CLTRN: variants seen among roughly 807,000 people sequenced by gnomAD.
CLTRN encodes the protein collectrin.
CLTRN carries 12 observed loss-of-function variants against 14.5 expected under a neutral mutation model. The observed-to-expected ratio is 0.83, with a 90% confidence interval of 0.53 to 1.34. CLTRN has a LOEUF of 1.34. Among genes scored for constraint, CLTRN ranks in the 40% most tolerant of loss-of-function variants. CLTRN has a pLI of 0.00. For missense variants in CLTRN, 154 were observed against 165.1 expected (o/e 0.93, Z 0.37); for synonymous variants, 58 against 56.5 (o/e 1.03, Z -0.12).
chrX:15,647,412 T>G (rs956864576), intron 3 of CLTRN, among the ~76,000 whole-genome samples: 4 of 112,706 alleles, frequency 3.5e-5, no homozygotes, highest in Non-Finnish European at 5.7e-5. Flanking sequence ...AAATATTTGT[T>G]GTTAATAATA....
At chrX:15,664,299 A>G in intron 2 of CLTRN, 38 bp downstream of exon 2, 1 of 1,102,408 alleles carries the variant, frequency 9.1e-7, no homozygotes. Context: ...GTTATTAGCA[A>G]ACAAAATTTA....
At chrX:15,633,778 T>C (rs774067698) in intron 5 of CLTRN, among the ~76,000 whole-genome samples, 1 of 112,223 alleles carries the variant, frequency 8.9e-6, no homozygotes, top group Non-Finnish European at 1.9e-5. Context: ...TACTAATGAC[T>C]CTACTCAGCT....
chrX:15,665,282 G>C (rs1269423151), upstream of CLTRN, among the ~76,000 whole-genome samples: 1 of 111,924 alleles, frequency 8.9e-6, no homozygotes, highest in Non-Finnish European at 1.9e-5. Flanking sequence ...CACCACAGCG[G>C]GTGAACATCC....
At chrX:15,648,234 A>G (rs1288922900) in intron 3 of CLTRN, among the ~76,000 whole-genome samples, 1 of 112,087 alleles carries the variant, frequency 8.9e-6, no homozygotes, top group Admixed American at 9.4e-5. Flanking sequence ...AAGTAAATAT[A>G]GTATATGCTG....
chrX:15,647,010 A>C (rs1382068260), intron 3 of CLTRN: 1 of 247,909 alleles, frequency 4.0e-6, no homozygotes, highest in African/African-American at 2.9e-5. Flanking sequence ...TGCTGAGGAT[A>C]TGTGGCCGCC....
intron 5 of CLTRN, among the ~76,000 whole-genome samples, chrX:15,630,938 G>T (rs1359591235): frequency 1.8e-5 from 2 of 111,997 alleles, no homozygotes; most frequent in African/African-American, 3.2e-5. Context: ...AGAAAGCAAA[G>T]GAAATCAACA....
intron 5 of CLTRN, among the ~76,000 whole-genome samples, chrX:15,638,226 G>T (rs775988875): frequency 3.7e-4 from 41 of 112,190 alleles, no homozygotes; most frequent in Non-Finnish European, 7.1e-4. Context: ...TGCACATCTT[G>T]TACCAAGTCT....
intron 3 of CLTRN, among the ~76,000 whole-genome samples, chrX:15,653,001 A>C (rs1929258749): frequency 1.8e-5 from 2 of 111,503 alleles, no homozygotes; most frequent in South Asian, 7.6e-4. Context: ...GAATTGCGTT[A>C]ACCGAGGAGA....
upstream of CLTRN, among the ~76,000 whole-genome samples, chrX:15,669,346 C>T (rs934976550): frequency 1.8e-5 from 2 of 112,171 alleles, no homozygotes; most frequent in Non-Finnish European, 3.8e-5. Flanking sequence ...AGCTTCATAA[C>T]TTATTAGTAA....
chrX:15,633,138 A>G (rs1417638194), intron 5 of CLTRN, among the ~76,000 whole-genome samples: 10 of 110,749 alleles, frequency 9.0e-5, no homozygotes, highest in African/African-American at 3.3e-4. Context: ...TCCTGTTACT[A>G]TTACTTTCTA....
Position 15,628,038 on chromosome X carries a change from A to G in CLTRN, c.602T>C (p.Leu201Pro), listed in dbSNP as rs2147192798. 1.8e-6 allele frequency: 2 copies of G among 1,141,736 alleles called. No homozygotes were observed. Among genetic ancestry groups the G allele is most frequent in the Non-Finnish European group, 1.2e-6 (1 of 855,726 alleles). 94.1% of individuals were successfully genotyped at this position (1,141,736 alleles called of 1,213,427 possible). ...ATTAATATGCCCTCCCTTCATGTCC[A>G]GGGGATCAGAGGGGATGCCATTTTC... Reference protein sequence around the residue: ...TIENGIPSDPLDMKGGHINDA... With the variant: ...TIENGIPSDPPDMKGGHINDA... The change falls in exon 6 of 6, where the codon CTG (leucine) becomes CCG (proline). Residue 201 changes from leucine (L) to proline (P), a missense_variant. By Grantham distance (98) the Leu-to-Pro change is moderately conservative. Coordinates refer to ENST00000380342, the MANE Select transcript of CLTRN (RefSeq NM_020665.6).
chrX:15,628,136 A>T lies in CLTRN; in HGVS notation c.513-9T>A. ...ATGGTTCTTTGTTCTTTCTAAAAGC[A>T]CATAAAAAAGAGTGATTGGCATCTA... On this transcript the variant is annotated splice_polypyrimidine_tract_variant and intron_variant, in intron 5 of 5. Coordinates refer to ENST00000380342, the MANE Select transcript of CLTRN (RefSeq NM_020665.6). The T allele has an allele frequency of 9.4e-7, 1 of 1,068,239 alleles. No individual in the cohort carries two copies. 88.0% of individuals were successfully genotyped at this position (1,068,239 alleles called of 1,213,427 possible). A position where few individuals can be genotyped will look rare whatever the true frequency, so the allele number is the denominator to read the frequency against.
At chrX:15,661,482 G>A (rs1929506098) in intron 2 of CLTRN, among the ~76,000 whole-genome samples, 1 of 112,372 alleles carries the variant, frequency 8.9e-6, no homozygotes, top group African/African-American at 3.2e-5. Flanking sequence ...CTTATCTTGG[G>A]CAAGTGTGAA....
intron 3 of CLTRN, among the ~76,000 whole-genome samples, chrX:15,657,625 TTTC>T (rs1193180409): frequency 3.1e-5 from 2 of 64,793 alleles, no homozygotes; most frequent in African/African-American, 7.3e-5. Context: ...ACCAGTGGCT[TTTC>T]TTCTTATTTT....
At chrX:15,673,654 T>C (rs776621445) in intron 1 of CLTRN, among the ~76,000 whole-genome samples, 5 of 112,581 alleles carry the variant, frequency 4.4e-5, no homozygotes, top group African/African-American at 1.6e-4. Flanking sequence ...GTGCTCCTTG[T>C]AGCTCAATAT....
At chrX:15,635,201 G>C (rs1444261975) in intron 5 of CLTRN, among the ~76,000 whole-genome samples, 1 of 110,122 alleles carries the variant, frequency 9.1e-6, no homozygotes, top group Non-Finnish European at 1.9e-5. Context: ...ACAAATTAGG[G>C]TATTTATTCA....
chrX:15,670,776 C>G (rs1929702262), intron 1 of CLTRN, among the ~76,000 whole-genome samples: 1 of 109,486 alleles, frequency 9.1e-6, no homozygotes, highest in African/African-American at 3.3e-5. Flanking sequence ...TGCAAAACAC[C>G]CCCACAAACT....
intron 5 of CLTRN, among the ~76,000 whole-genome samples, chrX:15,634,441 TCATCAC>T (rs951820824): frequency 2.7e-5 from 3 of 110,167 alleles, no homozygotes; most frequent in Non-Finnish European, 5.7e-5. Flanking sequence ...ATTATCAACT[TCATCAC>T]CATCACCATC....
At chrX:15,655,133 C>T (rs1204875684) in intron 3 of CLTRN, among the ~76,000 whole-genome samples, 1 of 111,862 alleles carries the variant, frequency 8.9e-6, no homozygotes, top group Non-Finnish European at 1.9e-5. Context: ...GTGGTGGGCT[C>T]CAGCCATTTC....
Sources: allele counts gnomAD v4.1 joint callset (sites outside exome capture counted in the v4.1 genomes callset), GRCh38; gene constraint gnomAD v4.1.1; transcripts MANE v1.5; gene names NCBI Gene and HGNC (gene_info 2026-07-23, HGNC 2026-07-21).